Variants in SEMA4F observed in about 807,000 individuals in gnomAD.
SEMA4F encodes semaphorin-4F.
Under a neutral mutation model 78.4 loss-of-function variants are expected in SEMA4F, and 51 were observed. The observed-to-expected ratio is 0.65, with a 90% CI of 0.52 to 0.82. The LOEUF (loss-of-function observed/expected upper bound fraction) is 0.82, where lower values mean the gene tolerates loss of function less well. SEMA4F is among the 40% of genes least tolerant of loss of function. SEMA4F has a pLI of 0.00. For missense variants in SEMA4F, 938 were observed against 1,014.4 expected (o/e 0.92, Z 1.02); for synonymous variants, 418 against 408.7 (o/e 1.02, Z -0.27).
rs1471344932 is a variant in SEMA4F, at chr2:74,654,438, C to T, written c.62C>T (p.Pro21Leu). ...GGGCAGCCTACAGCCTCGCCCTTCC[C>T]GCTACTGCTGCTGGCGGTGCTGAGC... ...GPGQPTASPFPLLLLAVLSGP... is the reference protein window; with the variant it reads ...GPGQPTASPFLLLLLAVLSGP... The change falls in exon 1 of 14, where the codon CCG becomes CTG. Residue 21 changes from proline to leucine, a missense_variant. Coordinates refer to ENST00000357877, the MANE Select transcript of SEMA4F (RefSeq NM_004263.5). 1 of 1,571,630 alleles carries T rather than the reference C, an allele frequency of 6.4e-7. No homozygotes were observed. Among genetic ancestry groups the T allele is most frequent in the Non-Finnish European group, 8.6e-7 (1 of 1,164,546 alleles).
At chr2:74,670,598 T>G (rs964751947) in intron 5 of SEMA4F, among the ~76,000 whole-genome samples, 6 of 152,238 alleles carry the variant, frequency 3.9e-5, no homozygotes, top group Admixed American at 6.5e-5. Flanking sequence ...ATTGTTTTTC[T>G]CCAACCCTAC....
the SEMA4F span, among the ~76,000 whole-genome samples, chr2:74,691,795 G>A: frequency 6.6e-6 from 1 of 152,242 alleles, no homozygotes; most frequent in Non-Finnish European, 1.5e-5. Context: ...AGGAGACACT[G>A]ACTGATAGGA....
chr2:74,667,826 C>T (rs1558725415), intron 5 of SEMA4F, among the ~76,000 whole-genome samples: 1 of 152,194 alleles, frequency 6.6e-6, no homozygotes, highest in African/African-American at 2.4e-5. Flanking sequence ...TCTCTTCTCA[C>T]TCTGTGTAGT....
At position 74,654,345 on chromosome 2, in the gene SEMA4F, T is replaced by C. The variant is rs1349312559; in HGVS notation, c.-32T>C. On this transcript the variant is annotated 5_prime_UTR_variant, in exon 1 of 14. Transcript: ENST00000357877. The stretch of plus-strand genomic sequence containing the variant: ...GGGGCCCTGAGCAGAGGCCGTAGCT[T>C]GCGCCGCACCCGCGGCCAGGCGGAG... 1 of 1,453,554 alleles carries C rather than the reference T, an allele frequency of 6.9e-7. No homozygotes were observed. The highest frequency in any genetic ancestry group is 9.0e-7 in the Non-Finnish European group (1 of 1,110,728). The allele number at this position is 1,453,554 out of a possible 1,614,324, so 90.0% of individuals were successfully genotyped here.
At position 74,669,380 on chromosome 2, in the gene SEMA4F, T is replaced by C. The variant is rs540457075; in HGVS notation, c.551-4077T>C. ...GTGGGCAGATCATGAGGTCAGGAGT[T>C]TGAGACCAGCCTGGCCTACACAGTG... On this transcript the variant is annotated intron_variant, in intron 5 of 13. Coordinates refer to ENST00000357877, the MANE Select transcript of SEMA4F (RefSeq NM_004263.5). Among the ~76,000 whole-genome samples, 7 of 151,886 alleles carry C rather than the reference T, an allele frequency of 4.6e-5. No homozygotes were observed. In the South Asian group the frequency reaches 8.3e-4, roughly 18 times the overall value.
At chr2:74,657,516 G>C (rs1400090860) in intron 2 of SEMA4F, 49 bp from the exon 3 acceptor site, 1 of 1,553,936 alleles carries the variant, frequency 6.4e-7, no homozygotes, top group African/African-American at 1.4e-5. Context: ...CATCGAGGGA[G>C]TTTGATGTTA....
At chr2:74,692,673 G>A in the SEMA4F span, among the ~76,000 whole-genome samples, 12 of 152,148 alleles carry the variant, frequency 7.9e-5, no homozygotes, top group Non-Finnish European at 1.3e-4. Flanking sequence ...TGAGGACAGG[G>A]GCCATGGTCA....
In SEMA4F at chr2:74,674,518, G is replaced by C; in HGVS notation, c.843G>C (p.Lys281Asn). 6.2e-7 allele frequency: 1 copy of C among 1,613,274 alleles called. No homozygotes were observed. Among genetic ancestry groups the C allele is most frequent in the South Asian group, 1.1e-5 (1 of 90,940 alleles). Residue 281 changes from lysine (K) to asparagine (N), a missense_variant, in exon 8 of 14, where the codon AAG becomes AAC. Transcript: ENST00000357877. ...CCCAGGGGGACCTCGGGGGCCGGAA[G>C]ACCCTCCAGCAGAGATGGACGACGT... The part of the protein sequence containing the change: ...RVCAGDLGGR[K>N]TLQQRWTTFL...
At chr2:74,706,571 A>C in the SEMA4F span, among the ~76,000 whole-genome samples, 3 of 152,186 alleles carry the variant, frequency 2.0e-5, no homozygotes, top group African/African-American at 7.2e-5. Flanking sequence ...AGGCCAAAGA[A>C]TGTGGGTGCA....
rs904679447 is a variant in SEMA4F at position 74,662,713 on chromosome 2, G to A, written c.457-19G>A. 1.9e-6 allele frequency: 3 copies of A among 1,605,400 alleles called. No homozygotes were observed. Among genetic ancestry groups the A allele is most frequent in the African/African-American group, 2.7e-5 (2 of 74,676 alleles). On this transcript the variant is annotated intron_variant, in intron 4 of 13. Coordinates refer to ENST00000357877, the MANE Select transcript of SEMA4F (RefSeq NM_004263.5). ...CTTCCCTATGACCCCTAAACCAATT[G>A]CCCCCTTCTGGTCTATAGGATGTGT... is the stretch of plus-strand genomic sequence containing the variant.
rs760997761 is a variant in SEMA4F, at chr2:74,657,612, A to G, written c.345A>G (p.Lys115=). Residue 115 remains lysine (K), a synonymous_variant, in exon 3 of 14, where the codon AAA becomes AAG. Coordinates refer to ENST00000357877, the MANE Select transcript of SEMA4F (RefSeq NM_004263.5). Reference sequence around the variant, plus strand: ...CTCACAGACAGAACTGTAGGAAGAAAGGCAAGAAAGAGGTAGGTGTAAATC... The same window carrying G: ...CTCACAGACAGAACTGTAGGAAGAAGGGCAAGAAAGAGGTAGGTGTAAATC... The part of the protein sequence containing the change: ...PEAHRQNCRK[K]GKKEDECHNF... The G allele has an allele frequency of 7.4e-6, 12 of 1,614,078 alleles. No individual in the cohort carries two copies. Among genetic ancestry groups the G allele is most frequent in the Non-Finnish European group, 1.0e-5 (12 of 1,180,020 alleles).
intron 12 of SEMA4F, among the ~76,000 whole-genome samples, chr2:74,678,922 CT>C (rs922604713): frequency 6.6e-6 from 1 of 151,816 alleles, no homozygotes; most frequent in Non-Finnish European, 1.5e-5. Flanking sequence ...AGTTTTTATC[CT>C]TTTTTTTCCT....
At chr2:74,655,780 T>C (rs564560081) in intron 1 of SEMA4F, among the ~76,000 whole-genome samples, 33 of 152,046 alleles carry the variant, frequency 2.2e-4, no homozygotes, top group South Asian at 1.0e-3. Flanking sequence ...GAGGTAAGTA[T>C]GGGTGTGGGA....
In SEMA4F at chr2:74,654,324, C is replaced by G; in HGVS notation, c.-53C>G. On this transcript the variant is annotated 5_prime_UTR_variant, in exon 1 of 14. Coordinates refer to ENST00000357877, the MANE Select transcript of SEMA4F (RefSeq NM_004263.5). ...GGGGCCGAGGCCAGTAGCCCCGGGG[C>G]CCTGAGCAGAGGCCGTAGCTTGCGC... 7.1e-7 allele frequency: 1 copy of G among 1,410,016 alleles called. No individual in the cohort carries two copies. The highest frequency in any genetic ancestry group is 9.2e-7 in the Non-Finnish European group (1 of 1,088,756). The allele number at this position is 1,410,016 out of a possible 1,614,324, so 87.3% of individuals were successfully genotyped here.
chr2:74,657,381 T>G (rs1473457989), intron 2 of SEMA4F, among the ~76,000 whole-genome samples, 184 bp from the exon 3 acceptor site: 1 of 152,246 alleles, frequency 6.6e-6, no homozygotes, highest in Non-Finnish European at 1.5e-5. Flanking sequence ...ATGTTGGTCA[T>G]GATTTCAGAA....
Position 74,680,322 on chromosome 2 carries a change from T to C in SEMA4F, c.*113T>C. ...TCCCAGCCTCTGAGTTCTCTTTGAG[T>C]ATGAGTGATTACTTGGATTTTAGTA... On this transcript the variant is annotated 3_prime_UTR_variant, in exon 14 of 14. Transcript: ENST00000357877. The C allele has an allele frequency of 8.1e-7, 1 of 1,232,736 alleles. No individual in the cohort carries two copies. 76.4% of individuals were successfully genotyped at this position (1,232,736 alleles called of 1,614,324 possible). A position where few individuals can be genotyped will look rare whatever the true frequency, so the allele number is the denominator to read the frequency against.
chr2:74,707,845 A>G, the SEMA4F span, among the ~76,000 whole-genome samples: 1 of 152,170 alleles, frequency 6.6e-6, no homozygotes, highest in Non-Finnish European at 1.5e-5. Context: ...TGCAGGATAG[A>G]TGATGGAGAG....
At chr2:74,674,439 A>G (rs1324934865) in intron 7 of SEMA4F, 59 bp from the exon 8 acceptor site, 1 of 1,510,228 alleles carries the variant, frequency 6.6e-7, no homozygotes, top group East Asian at 2.3e-5. Context: ...ATTGGTCTCC[A>G]TGCTCCTTGC....
At chr2:74,688,778 C>T (rs115429436), downstream of SEMA4F, among the ~76,000 whole-genome samples, 290 of 152,184 alleles carry the variant, frequency 1.9e-3, no homozygotes, top group Middle Eastern at 6.8e-3. Context: ...ATTATTCCAA[C>T]GGAGTAGTTG....
Sources: gnomAD v4.1 joint callset for allele counts (sites outside exome capture counted in the v4.1 genomes callset) on GRCh38, gnomAD v4.1.1 for gene constraint, MANE v1.5 for transcripts, NCBI Gene and HGNC (gene_info 2026-07-23, HGNC 2026-07-21) for gene names.